The following TGFBR2 variants were observed in gnomAD, a reference collection of about 807,000 sequenced individuals.
TGFBR2 encodes transforming growth factor beta receptor 2.
In TGFBR2, 18 loss-of-function variants were observed where a neutral mutation model predicts 49.0. That is an observed-to-expected ratio of 0.37 (90% CI 0.25 to 0.54). The LOEUF (loss-of-function observed/expected upper bound fraction) is 0.54. Among genes scored for constraint, TGFBR2 ranks in the 20% least tolerant of loss-of-function variants. The pLI, the probability that TGFBR2 is intolerant of heterozygous loss-of-function variation, is 0.85. For synonymous variants in TGFBR2, 282 were observed against 275.9 expected (o/e 1.02, Z -0.22); for missense variants, 525 against 722.6 (o/e 0.73, Z 3.13).
At chr3:30,680,634 A>G (rs1699523065) in intron 5 of TGFBR2, among the ~76,000 whole-genome samples, 1 of 152,032 alleles carries the variant, frequency 6.6e-6, no homozygotes, top group African/African-American at 2.4e-5. Context: ...GACTTGGGGG[A>G]TAGATAATGA....
chr3:30,673,623 T>G (rs988869053), intron 4 of TGFBR2, among the ~76,000 whole-genome samples: 8 of 152,218 alleles, frequency 5.3e-5, no homozygotes, highest in African/African-American at 1.9e-4. Context: ...CTTTGCACAC[T>G]GGAATGTGCC....
intron 1 of TGFBR2, among the ~76,000 whole-genome samples, chr3:30,617,887 T>C (rs890993262): frequency 6.6e-6 from 1 of 152,180 alleles, no homozygotes; most frequent in Non-Finnish European, 1.5e-5. Context: ...CACATAGCAG[T>C]TTGAAAAACA....
At chr3:30,652,894 G>T (rs1028848400) in intron 3 of TGFBR2, among the ~76,000 whole-genome samples, 1 of 152,264 alleles carries the variant, frequency 6.6e-6, no homozygotes, top group South Asian at 2.1e-4. Flanking sequence ...GAGCCTTTCA[G>T]ATACTAATGA....
chr3:30,632,200 AC>A (rs1419441775), intron 1 of TGFBR2, among the ~76,000 whole-genome samples: 1 of 152,196 alleles, frequency 6.6e-6, no homozygotes, highest in African/African-American at 2.4e-5. Flanking sequence ...ATCTTAAGAC[AC>A]ATCATTGCCT....
intron 1 of TGFBR2, among the ~76,000 whole-genome samples, chr3:30,627,333 C>T (rs1445397138): frequency 1.3e-5 from 2 of 152,158 alleles, no homozygotes; most frequent in African/African-American, 2.4e-5. Flanking sequence ...GATGCACCAT[C>T]GTTTGGAATT....
chr3:30,631,948 G>GAC (rs1384823169), intron 1 of TGFBR2, among the ~76,000 whole-genome samples: 1 of 152,012 alleles, frequency 6.6e-6, no homozygotes, highest in East Asian at 1.9e-4. Context: ...ATATAGCAAT[G>GAC]TTTTATAATT....
intron 3 of TGFBR2, among the ~76,000 whole-genome samples, chr3:30,669,121 C>CAAAAAAAAAAAAAAAAAAAAAAAAAAAA (rs56069409): frequency 2.4e-5 from 2 of 83,476 alleles, no homozygotes; most frequent in African/African-American, 1.1e-4. Context: ...ACTAAAAATA[C>CAAAAAAAAAAAAAAAAAAAAAAAAAAAA]AAAAAAAAAA....
rs1448494049 is a variant in TGFBR2 at position 30,693,773 on chromosome 3, A to G, written c.*2174A>G. On this transcript the variant is annotated 3_prime_UTR_variant, in exon 7 of 7. Transcript: ENST00000295754. ...ATATTCAAGATTCAAGAGTATTCTC[A>G]CTTCTGGGTTATCAGCATAAACTGG... The G allele has an allele frequency of 1.3e-5, 3 of 233,476 alleles. No homozygotes were observed. The highest frequency in any genetic ancestry group is 6.6e-5 in the African/African-American group (3 of 45,320). The allele number at this position is 233,476 out of a possible 1,614,324, so 14.5% of individuals were successfully genotyped here.
rs535050276 is a variant in TGFBR2, at chr3:30,627,415, A to C, written c.95-17332A>C. Reference sequence around the variant, plus strand: ...TTTTATTACATCTAATGCCATTTTAATGTACTTGAAACTGGGGAGATGAGG... The same window carrying C: ...TTTTATTACATCTAATGCCATTTTACTGTACTTGAAACTGGGGAGATGAGG... On this transcript the variant is annotated intron_variant, in intron 1 of 6. Coordinates refer to ENST00000295754, the MANE Select transcript of TGFBR2 (RefSeq NM_003242.6). 3.9e-5 allele frequency among the ~76,000 whole-genome samples: 6 copies of C among 152,110 alleles called. No homozygotes were observed. The East Asian group carries it at 1.2e-3, about 30-fold the overall frequency.
At chr3:30,674,954 A>G (rs1699409923) in intron 5 of TGFBR2, among the ~76,000 whole-genome samples, 1 of 151,656 alleles carries the variant, frequency 6.6e-6, no homozygotes, top group African/African-American at 2.4e-5. Context: ...TCTTCTCTGC[A>G]GTTGTATGCT....
At chr3:30,627,246 TG>T (rs1263400775) in intron 1 of TGFBR2, among the ~76,000 whole-genome samples, 22 of 152,164 alleles carry the variant, frequency 1.4e-4, no homozygotes, top group Admixed American at 6.5e-5. Context: ...TTATTAATTT[TG>T]GAAAATGCCT....
intron 5 of TGFBR2, among the ~76,000 whole-genome samples, chr3:30,686,492 G>T (rs1699625108): frequency 6.6e-6 from 1 of 152,092 alleles, no homozygotes; most frequent in Non-Finnish European, 1.5e-5. Flanking sequence ...TATCCTGGCA[G>T]CTCTACTATT....
At chr3:30,689,230 T>C (rs7631044) in intron 6 of TGFBR2, among the ~76,000 whole-genome samples, 7,913 of 152,156 alleles carry the variant, frequency 0.052, 657 homozygotes, top group African/African-American at 0.18. Context: ...AAATTGTTTG[T>C]TTGGGGGCAC....
At chr3:30,685,978 G>A (rs1007352975) in intron 5 of TGFBR2, among the ~76,000 whole-genome samples, 1 of 152,130 alleles carries the variant, frequency 6.6e-6, no homozygotes, top group Non-Finnish European at 1.5e-5. Context: ...ATATCTCAAG[G>A]TATGGTACCA....
At chr3:30,638,124 A>G (rs1261698670) in intron 1 of TGFBR2, among the ~76,000 whole-genome samples, 1 of 152,230 alleles carries the variant, frequency 6.6e-6, no homozygotes, top group East Asian at 1.9e-4. Flanking sequence ...TGGTGATATG[A>G]TCAGGAAGTA....
intron 1 of TGFBR2, among the ~76,000 whole-genome samples, chr3:30,639,776 AAC>A (rs1231160888): frequency 1.3e-5 from 2 of 152,226 alleles, no homozygotes; most frequent in Non-Finnish European, 2.9e-5. Context: ...TCCAGAAAAC[AAC>A]AGTCGGTAGA....
chr3:30,658,360 C>G (rs183436737), intron 3 of TGFBR2, among the ~76,000 whole-genome samples: 1 of 152,302 alleles, frequency 6.6e-6, no homozygotes, highest in African/African-American at 2.4e-5. Context: ...ATTATAGCTC[C>G]TGTCTTGACT....
intron 5 of TGFBR2, among the ~76,000 whole-genome samples, chr3:30,680,396 A>ATATT (rs1207597193): frequency 6.6e-5 from 10 of 152,202 alleles, no homozygotes; most frequent in African/African-American, 2.4e-4. Flanking sequence ...CCCTAAAGAT[A>ATATT]TATTTATTCA....
At position 30,623,175 on chromosome 3, in the gene TGFBR2, G is replaced by A. The variant is rs555575214; in HGVS notation, c.94+16198G>A. On this transcript the variant is annotated intron_variant, in intron 1 of 6. Coordinates refer to ENST00000295754, the MANE Select transcript of TGFBR2 (RefSeq NM_003242.6). ...AATTTTAAAAACAGCTCTCTGAGAT[G>A]GATATAATTATCCTGTTTTACAGAT... The A allele has an allele frequency of 1.8e-5, 23 of 1,273,574 alleles. No individual in the cohort carries two copies. The South Asian group carries it at 2.8e-4, about 15-fold the overall frequency. The allele number at this position is 1,273,574 out of a possible 1,614,324, so 78.9% of individuals were successfully genotyped here. A position where few individuals can be genotyped will look rare whatever the true frequency, so the allele number is the denominator to read the frequency against.
Sources: gnomAD v4.1 joint callset for allele counts (sites outside exome capture counted in the v4.1 genomes callset) on GRCh38, gnomAD v4.1.1 for gene constraint, MANE v1.5 for transcripts, NCBI Gene and HGNC (gene_info 2026-07-23, HGNC 2026-07-21) for gene names.